Variants in LRMDA observed in about 807,000 individuals in gnomAD.
The protein encoded by LRMDA is leucine-rich melanocyte differentiation-associated protein.
A neutral mutation model predicts 29.8 loss-of-function variants in LRMDA; 18 were observed. The observed-to-expected ratio is 0.60, with a 90% confidence interval of 0.42 to 0.90. The LOEUF is 0.90. LRMDA is among the 40% of genes least tolerant of loss of function. LRMDA has a pLI of 0.00. For synonymous variants in LRMDA, 125 were observed against 109.4 expected (o/e 1.14, Z -0.89); for missense variants, 273 against 273.9 (o/e 1.00, Z 0.02).
At chr10:75,925,665 C>T (rs1191941409) in intron 2 of LRMDA, among the ~76,000 whole-genome samples, 1 of 14,162 alleles carries the variant, frequency 7.1e-5, no homozygotes, top group Non-Finnish European at 1.4e-4. Flanking sequence ...TAAGCATTTT[C>T]TTTTTCTTTT....
At chr10:75,618,376 C>CTATA (rs1439743500) in intron 2 of LRMDA, among the ~76,000 whole-genome samples, 45 of 69,180 alleles carry the variant, frequency 6.5e-4, no homozygotes, top group African/African-American at 2.2e-3. Context: ...CTCTCTCTCT[C>CTATA]TCTCTCTATA....
At chr10:75,562,706 C>T (rs544720492) in intron 2 of LRMDA, among the ~76,000 whole-genome samples, 50 of 152,158 alleles carry the variant, frequency 3.3e-4, no homozygotes, top group Admixed American at 7.2e-4. Flanking sequence ...CCTTCAGGAG[C>T]TCTTTTAGGG....
chr10:76,355,977 T>C (rs2132437995), intron 6 of LRMDA, among the ~76,000 whole-genome samples: 1 of 152,252 alleles, frequency 6.6e-6, no homozygotes, highest in East Asian at 1.9e-4. Flanking sequence ...CCTCCCATCA[T>C]TAGAGGTGAG....
At chr10:76,473,552 T>C (rs1353249802) in intron 6 of LRMDA, among the ~76,000 whole-genome samples, 1 of 151,052 alleles carries the variant, frequency 6.6e-6, no homozygotes, top group Non-Finnish European at 1.5e-5. Context: ...TGGATGCAGA[T>C]TGGAAAGAAA....
chr10:76,083,945 C>T (rs2132082241), intron 5 of LRMDA, among the ~76,000 whole-genome samples: 1 of 152,074 alleles, frequency 6.6e-6, no homozygotes, highest in Middle Eastern at 3.4e-3. Context: ...TTCCTGGTAG[C>T]ACCTACTTAC....
At chr10:75,562,506 ATTGGAGC>A (rs1210575924) in intron 2 of LRMDA, among the ~76,000 whole-genome samples, 1 of 152,078 alleles carries the variant, frequency 6.6e-6, no homozygotes, top group African/African-American at 2.4e-5. Flanking sequence ...GTGTCTTTTA[ATTGGAGC>A]ATTTAGTCCA....
chr10:76,417,473 C>CA (rs777818457), intron 6 of LRMDA, among the ~76,000 whole-genome samples: 185 of 144,672 alleles, frequency 1.3e-3, no homozygotes, highest in African/African-American at 1.8e-3. Context: ...ACCACCCAGA[C>CA]AAAAAAAAAA....
intron 6 of LRMDA, among the ~76,000 whole-genome samples, chr10:76,421,635 C>T (rs1006763543): frequency 2.0e-5 from 3 of 152,066 alleles, no homozygotes; most frequent in Non-Finnish European, 2.9e-5. Flanking sequence ...TCGTATGTTT[C>T]GGCCTTGAAT....
intron 2 of LRMDA, among the ~76,000 whole-genome samples, chr10:75,871,278 C>T (rs914110377): frequency 3.3e-5 from 5 of 152,164 alleles, no homozygotes; most frequent in Admixed American, 2.6e-4. Context: ...TGGTGTCTCA[C>T]AAGTTACTGC....
intron 2 of LRMDA, among the ~76,000 whole-genome samples, chr10:75,620,447 G>C (rs1422233456): frequency 2.0e-5 from 3 of 152,154 alleles, no homozygotes; most frequent in Non-Finnish European, 2.9e-5. Context: ...GGTTTTGGCT[G>C]GGGGTTGGGC....
intron 5 of LRMDA, among the ~76,000 whole-genome samples, chr10:76,148,569 G>A (rs1002548835): frequency 5.3e-5 from 8 of 152,100 alleles, no homozygotes; most frequent in South Asian, 2.1e-4. Context: ...GGAGTGACCC[G>A]ATTTTCTAGG....
intron 2 of LRMDA, among the ~76,000 whole-genome samples, chr10:75,828,580 G>T (rs1844284991): frequency 6.6e-6 from 1 of 152,162 alleles, no homozygotes; most frequent in South Asian, 2.1e-4. Context: ...TGGCCTGGAA[G>T]TTGCAAGGCA....
rs555940702 is a variant in LRMDA at position 75,497,426 on chromosome 10, A to G, written c.131+58932A>G. ...CAGACATCAGTATCCCTCACCCTGA[A>G]CACTCAGCATGCCTATCATTTTCTA... On this transcript the variant is annotated intron_variant, in intron 2 of 6. Transcript: ENST00000611255. Among the ~76,000 whole-genome samples, 3 of 152,040 alleles carry G rather than the reference A, an allele frequency of 2.0e-5. No homozygotes were observed. In the East Asian group the frequency reaches 5.8e-4, roughly 29 times the overall value.
chr10:75,431,902 C>T (rs1406496333), intron 1 of LRMDA, 148 bp downstream of exon 1: 5 of 804,162 alleles, frequency 6.2e-6, no homozygotes, highest in Middle Eastern at 4.2e-4. Flanking sequence ...TGCTCAGGCT[C>T]GCCCTAGTGG....
rs1462737874 is a variant in LRMDA, at chr10:76,146,752, T to C, written c.516+87969T>C. On this transcript the variant is annotated intron_variant, in intron 5 of 6. Coordinates refer to ENST00000611255, the MANE Select transcript of LRMDA (RefSeq NM_001305581.2). ...TATGATGTTAGCTGGTTATTTTGCTTGTTAGTTGATGCAGTTTCTTCCTAG... is the reference window on the plus strand; with the variant it reads ...TATGATGTTAGCTGGTTATTTTGCTCGTTAGTTGATGCAGTTTCTTCCTAG... Among the ~76,000 whole-genome samples the C allele has an allele frequency of 6.6e-5, 10 of 152,254 alleles. No individual in the cohort carries two copies. The East Asian group carries it at 1.9e-3, about 29-fold the overall frequency.
intron 2 of LRMDA, among the ~76,000 whole-genome samples, chr10:75,479,188 T>G (rs1482621062): frequency 6.6e-6 from 1 of 152,134 alleles, no homozygotes; most frequent in African/African-American, 2.4e-5. Context: ...AGGGAAAGCT[T>G]AGGCTGCTCT....
intron 5 of LRMDA, among the ~76,000 whole-genome samples, chr10:76,224,478 A>C (rs111925720): frequency 0.01 from 1,549 of 152,074 alleles, 27 homozygotes; most frequent in African/African-American, 0.031. Context: ...AGGCTATAGT[A>C]GGAGGATCAC....
intron 2 of LRMDA, among the ~76,000 whole-genome samples, chr10:75,761,870 G>A (rs1047989826): frequency 7.3e-6 from 1 of 136,142 alleles, no homozygotes; most frequent in African/African-American, 2.7e-5. Flanking sequence ...GTGGTATCTT[G>A]GCTCACTGCC....
intron 5 of LRMDA, among the ~76,000 whole-genome samples, chr10:76,311,126 C>T (rs529162710): frequency 6.6e-6 from 1 of 152,138 alleles, no homozygotes; most frequent in Admixed American, 6.5e-5. Context: ...ATTTGGGAAG[C>T]AGAACAAAAG....
Sources: allele counts gnomAD v4.1 joint callset (sites outside exome capture counted in the v4.1 genomes callset), GRCh38; gene constraint gnomAD v4.1.1; transcripts MANE v1.5; gene names NCBI Gene and HGNC (gene_info 2026-07-23, HGNC 2026-07-21).